DPYD: variants seen among roughly 807,000 people sequenced by gnomAD.
The protein encoded by DPYD is dihydropyrimidine dehydrogenase.
A neutral mutation model predicts 116.2 loss-of-function variants in DPYD; 109 were observed. The observed-to-expected ratio is 0.94, with a 90% CI of 0.80 to 1.10. The LOEUF (loss-of-function observed/expected upper bound fraction) is 1.10, where lower values mean the gene tolerates loss of function less well. Among genes scored for constraint, DPYD ranks in the 50% least tolerant of loss-of-function variants. DPYD has a pLI of 0.00. For synonymous variants in DPYD, 440 were observed against 432.0 expected (o/e 1.02, Z -0.23); for missense variants, 1,302 against 1,254.5 (o/e 1.04, Z -0.57).
chr1:97,818,708 GA>G (rs1225680745), intron 3 of DPYD, among the ~76,000 whole-genome samples: 1 of 151,916 alleles, frequency 6.6e-6, no homozygotes, highest in African/African-American at 2.4e-5. Flanking sequence ...TGAATGAATG[GA>G]AGTAATATTC....
chr1:97,307,045 T>G (rs971202639), intron 16 of DPYD, among the ~76,000 whole-genome samples: 5 of 151,884 alleles, frequency 3.3e-5, no homozygotes, highest in Admixed American at 3.3e-4. Flanking sequence ...GGCTCTTATT[T>G]TCTCATGGGG....
intron 8 of DPYD, among the ~76,000 whole-genome samples, chr1:97,651,463 A>G (rs1658577885): frequency 6.6e-6 from 1 of 152,096 alleles, no homozygotes; most frequent in Admixed American, 6.6e-5. Flanking sequence ...ATAATAAATC[A>G]CTTCTTGCAG....
intron 8 of DPYD, among the ~76,000 whole-genome samples, chr1:97,632,468 C>G (rs868122009): frequency 1.3e-5 from 2 of 152,086 alleles, no homozygotes; most frequent in South Asian, 2.1e-4. Context: ...TACTGATATA[C>G]AAATGTACTT....
At chr1:97,084,087 G>GAC in intron 21 of DPYD, among the ~76,000 whole-genome samples, 1 of 152,130 alleles carries the variant, frequency 6.6e-6, no homozygotes, top group East Asian at 1.9e-4. Context: ...TAGGATGTAA[G>GAC]ACACAGACTA....
intron 21 of DPYD, among the ~76,000 whole-genome samples, chr1:97,088,922 T>G (rs1200271987): frequency 6.6e-6 from 1 of 152,222 alleles, no homozygotes; most frequent in East Asian, 1.9e-4. Context: ...TGGTATCTTT[T>G]GGAAATTGCT....
chr1:97,389,097 G>A (rs1672524177), intron 14 of DPYD, among the ~76,000 whole-genome samples: 2 of 152,022 alleles, frequency 1.3e-5, no homozygotes, highest in African/African-American at 4.8e-5. Flanking sequence ...AGAGTAAAGA[G>A]AACTAGTTAT....
intron 8 of DPYD, 52 bp from the exon 9 acceptor site, chr1:97,595,218 A>G (rs756065763): frequency 2.4e-5 from 34 of 1,438,922 alleles, no homozygotes; most frequent in Middle Eastern, 3.5e-4. Context: ...GGCTTTTCCT[A>G]TTAGATATTA....
At chr1:97,527,550 G>C (rs1185248546) in intron 12 of DPYD, among the ~76,000 whole-genome samples, 1 of 151,912 alleles carries the variant, frequency 6.6e-6, no homozygotes, top group Non-Finnish European at 1.5e-5. Flanking sequence ...ATATCATTAA[G>C]ACAATCATAA....
At chr1:97,617,648 G>A (rs1656372982) in intron 8 of DPYD, among the ~76,000 whole-genome samples, 1 of 152,112 alleles carries the variant, frequency 6.6e-6, no homozygotes, top group African/African-American at 2.4e-5. Flanking sequence ...GAGAGGTGCT[G>A]TGGAGGGGTT....
chr1:97,107,707 G>C (rs1651274638), intron 20 of DPYD, among the ~76,000 whole-genome samples: 1 of 152,070 alleles, frequency 6.6e-6, no homozygotes, highest in Admixed American at 6.6e-5. Flanking sequence ...GGGGCATAAA[G>C]ACTAAGTAAC....
At chr1:97,780,038 C>A (rs1200615774) in intron 3 of DPYD, among the ~76,000 whole-genome samples, 1 of 152,114 alleles carries the variant, frequency 6.6e-6, no homozygotes, top group Non-Finnish European at 1.5e-5. Flanking sequence ...AGTGAAGCTT[C>A]TAAAATCAAG....
intron 3 of DPYD, among the ~76,000 whole-genome samples, chr1:97,742,766 G>A (rs575150270): frequency 6.6e-4 from 100 of 151,920 alleles, no homozygotes; most frequent in African/African-American, 2.2e-3. Context: ...CTTTTATGTC[G>A]CAATACAAAA....
chr1:97,718,065 T>C (rs1209834090), intron 5 of DPYD, among the ~76,000 whole-genome samples: 2 of 152,060 alleles, frequency 1.3e-5, no homozygotes, highest in African/African-American at 4.8e-5. Flanking sequence ...ATAGTGGTTG[T>C]ACTAGTTTAC....
intron 3 of DPYD, among the ~76,000 whole-genome samples, chr1:97,745,056 T>C (rs529324685): frequency 8.0e-4 from 122 of 152,154 alleles, no homozygotes; most frequent in Middle Eastern, 3.4e-3. Flanking sequence ...TATCTGCCTA[T>C]TTATACCTCT....
intron 5 of DPYD, among the ~76,000 whole-genome samples, chr1:97,710,036 C>G (rs1385831729): frequency 6.6e-6 from 1 of 151,758 alleles, no homozygotes; most frequent in Non-Finnish European, 1.5e-5. Flanking sequence ...GAGGATTATA[C>G]TCTTGCAAGT....
intron 14 of DPYD, among the ~76,000 whole-genome samples, chr1:97,396,388 T>C (rs1381663149): frequency 2.6e-5 from 4 of 151,800 alleles, no homozygotes; most frequent in Non-Finnish European, 5.9e-5. Context: ...GTTGGTTTAC[T>C]TTTATAGATG....
intron 8 of DPYD, among the ~76,000 whole-genome samples, chr1:97,619,730 C>T (rs553818348): frequency 6.6e-5 from 10 of 152,208 alleles, no homozygotes; most frequent in Non-Finnish European, 7.4e-5. Context: ...TACCATTACA[C>T]AAACTATCTA....
intron 11 of DPYD, among the ~76,000 whole-genome samples, chr1:97,564,935 T>C (rs1298961162): frequency 1.3e-5 from 2 of 152,106 alleles, no homozygotes; most frequent in Non-Finnish European, 2.9e-5. Flanking sequence ...ATCATTTGTA[T>C]AACAGTCAGG....
intron 3 of DPYD, among the ~76,000 whole-genome samples, chr1:97,771,770 G>A (rs925990561): frequency 1.3e-5 from 2 of 152,064 alleles, no homozygotes; most frequent in African/African-American, 2.4e-5. Flanking sequence ...AAATAATTAC[G>A]AAAACATTCA....
Sources: gnomAD v4.1 joint callset for allele counts (sites outside exome capture counted in the v4.1 genomes callset) on GRCh38, gnomAD v4.1.1 for gene constraint, MANE v1.5 for transcripts, NCBI Gene and HGNC (gene_info 2026-07-23, HGNC 2026-07-21) for gene names.